The following CYFIP2 variants were observed in gnomAD, a reference collection of about 807,000 sequenced individuals.
The protein encoded by CYFIP2 is cytoplasmic FMR1 interacting protein 2, also known as cytoplasmic FMR1-interacting protein 2.
Under a neutral mutation model 158.7 loss-of-function variants are expected in CYFIP2, and 29 were observed. The observed-to-expected ratio is 0.18, with a 90% CI of 0.14 to 0.25. CYFIP2 has a LOEUF of 0.25. Among genes scored for constraint, CYFIP2 ranks in the 10% least tolerant of loss-of-function variants. CYFIP2 has a pLI of 1.00. For synonymous variants in CYFIP2, 585 were observed against 617.6 expected (o/e 0.95, Z 0.78); for missense variants, 852 against 1,639.5 (o/e 0.52, Z 8.29).
Position 157,329,439 on chromosome 5 carries a change from T to C in CYFIP2, c.2157-1303T>C, listed in dbSNP as rs1400942760. Reference sequence around the variant, plus strand: ...CCCTTCCCTGTAAGATCAGTGATTTTTTAAAGTGTGGGAAGTTGAGGAGGT... The same window carrying C: ...CCCTTCCCTGTAAGATCAGTGATTTCTTAAAGTGTGGGAAGTTGAGGAGGT... On this transcript the variant is annotated intron_variant, in intron 19 of 30. Coordinates refer to ENST00000620254, the MANE Select transcript of CYFIP2 (RefSeq NM_001037333.3). Among the ~76,000 whole-genome samples the C allele has an allele frequency of 2.0e-5, 3 of 152,348 alleles. No individual in the cohort carries two copies. In the East Asian group the frequency reaches 5.8e-4, roughly 29 times the overall value.
chr5:157,341,162 G>A lies in CYFIP2; in HGVS notation c.2673+5G>A, dbSNP rs1762219769. ...TATTACCTCTATGGATCCAAGGTAA[G>A]TAGTCCTGCCCTACCCTGCCTAGAA... On this transcript the variant is annotated splice_donor_5th_base_variant and intron_variant, in intron 23 of 30. Transcript: ENST00000620254. The A allele has an allele frequency of 6.2e-7, 1 of 1,613,340 alleles. No individual in the cohort carries two copies. The highest frequency in any genetic ancestry group is 1.3e-5 in the African/African-American group (1 of 74,902).
chr5:157,329,915 GC>G (rs1761308739), intron 19 of CYFIP2, among the ~76,000 whole-genome samples: 1 of 152,154 alleles, frequency 6.6e-6, no homozygotes, highest in Non-Finnish European at 1.5e-5. Flanking sequence ...GGCCTGTGTG[GC>G]CCTACCTGGT....
chr5:157,382,721 C>A, intron 27 of CYFIP2, 59 bp downstream of exon 27: 1 of 1,530,742 alleles, frequency 6.5e-7, no homozygotes, highest in Non-Finnish European at 9.0e-7. Context: ...ATTCTCACTT[C>A]CTAATTGCAG....
At chr5:157,328,160 C>A in intron 19 of CYFIP2, 111 bp downstream of exon 19, 1 of 1,055,530 alleles carries the variant, frequency 9.5e-7, no homozygotes, top group Non-Finnish European at 1.4e-6. Flanking sequence ...GAAAACAGAG[C>A]CATTCCACGG....
chr5:157,291,336 C>T (rs1477879504), intron 3 of CYFIP2, among the ~76,000 whole-genome samples: 7 of 152,212 alleles, frequency 4.6e-5, no homozygotes, highest in African/African-American at 1.4e-4. Flanking sequence ...ACTCAAGTTT[C>T]CCAAGACCCC....
At chr5:157,327,410 C>T (rs1761109766) in intron 18 of CYFIP2, among the ~76,000 whole-genome samples, 1 of 151,828 alleles carries the variant, frequency 6.6e-6, no homozygotes, top group South Asian at 2.1e-4. Context: ...ACTAAAAATA[C>T]AAAAATTAGC....
At chr5:157,327,800 G>A (rs1761145762) in intron 18 of CYFIP2, 173 bp from the exon 19 acceptor site, 1 of 609,830 alleles carries the variant, frequency 1.6e-6, no homozygotes, top group African/African-American at 1.9e-5. Context: ...AGGACCCTGA[G>A]AGCAAGGGAC....
chr5:157,390,755 T>C, intron 30 of CYFIP2, 87 bp downstream of exon 30: 1 of 1,536,744 alleles, frequency 6.5e-7, no homozygotes, highest in South Asian at 1.2e-5. Context: ...GAGGAGCTGC[T>C]TGTGAAGGCC....
At chr5:157,295,784 G>A (rs1758201970) in intron 4 of CYFIP2, among the ~76,000 whole-genome samples, 1 of 152,230 alleles carries the variant, frequency 6.6e-6, no homozygotes, top group Non-Finnish European at 1.5e-5. Context: ...GACTTTCTAA[G>A]CAATAGTATG....
rs955653146 is a variant in CYFIP2 at position 157,304,292 on chromosome 5, A to G, written c.721A>G (p.Ile241Val). The G allele has an allele frequency of 4.3e-6, 7 of 1,613,772 alleles. No individual in the cohort carries two copies. The highest frequency in any genetic ancestry group is 5.9e-6 in the Non-Finnish European group (7 of 1,179,908). ...AGGCTATGAGGAGCTGCTGGCTGAC[A>G]TTGTCAACATCTGTGTGGATTACTA... ...IPGYEELLAD[I>V]VNICVDYYEN... Residue 241 changes from isoleucine (I) to valine (V), a missense_variant, in exon 8 of 31, where the codon ATT becomes GTT. Physicochemically the swap from Ile to Val is conservative, Grantham distance 29 (BLOSUM62 3). Coordinates refer to ENST00000620254, the MANE Select transcript of CYFIP2 (RefSeq NM_001037333.3).
At chr5:157,354,761 G>A (rs1318353261) in intron 23 of CYFIP2, among the ~76,000 whole-genome samples, 5 of 152,126 alleles carry the variant, frequency 3.3e-5, no homozygotes, top group Admixed American at 3.3e-4. Flanking sequence ...GAGTGGGTGT[G>A]TAGGGGGCAT....
chr5:157,273,495 G>T (rs1249523216), intron 1 of CYFIP2, among the ~76,000 whole-genome samples: 3 of 152,166 alleles, frequency 2.0e-5, no homozygotes, highest in Non-Finnish European at 4.4e-5. Flanking sequence ...ACCAAAACAG[G>T]CAGGGGCAGG....
intron 16 of CYFIP2, among the ~76,000 whole-genome samples, chr5:157,325,121 T>G (rs950052670): frequency 1.3e-5 from 2 of 152,292 alleles, no homozygotes; most frequent in Admixed American, 6.5e-5. Context: ...ATTATAGGCA[T>G]GAGCCTCTGC....
intron 21 of CYFIP2, 52 bp downstream of exon 21, chr5:157,333,498 A>C (rs1761633798): frequency 1.1e-5 from 17 of 1,613,154 alleles, no homozygotes; most frequent in Non-Finnish European, 1.4e-5. Flanking sequence ...CTCAGACTAG[A>C]AGCCTAGATG....
chr5:157,365,525 T>G (rs1391811490), intron 26 of CYFIP2: 1 of 152,058 alleles, frequency 6.6e-6, no homozygotes, highest in Non-Finnish European at 1.5e-5. Flanking sequence ...TGGTTTTTGG[T>G]TTTTATAGGG....
intron 29 of CYFIP2, 127 bp from the exon 30 acceptor site, chr5:157,390,394 G>T (rs1767163844): frequency 2.4e-6 from 2 of 848,216 alleles, no homozygotes; most frequent in South Asian, 3.7e-5. Context: ...CATTTTATAG[G>T]TTAAGAGACT....
At chr5:157,339,887 G>C (rs1029557933) in intron 22 of CYFIP2, among the ~76,000 whole-genome samples, 1 of 152,218 alleles carries the variant, frequency 6.6e-6, no homozygotes, top group African/African-American at 2.4e-5. Flanking sequence ...AAATGGTGCT[G>C]TGAAAGATAA....
intron 29 of CYFIP2, 40 bp downstream of exon 29, chr5:157,389,467 G>A (rs1026887568): frequency 4.7e-6 from 7 of 1,494,010 alleles, no homozygotes; most frequent in Admixed American, 2.0e-5. Flanking sequence ...CCCCCAACCT[G>A]CCTGTGCTCC....
chr5:157,361,682 ATTGAT>A lies in CYFIP2; in HGVS notation c.3039+88_3039+92del, dbSNP rs1763837064. 1 of 1,545,466 alleles carries A rather than the reference ATTGAT, an allele frequency of 6.5e-7. No individual in the cohort carries two copies. The highest frequency in any genetic ancestry group is 8.8e-7 in the Non-Finnish European group (1 of 1,132,372). On this transcript the variant is annotated intron_variant, in intron 26 of 30. Transcript: ENST00000620254. This position sits in a 1 kb window ranked among gnomAD's most constrained non-coding sequence, Gnocchi z 4.4. ...AAGCAGATATTGAGGCTCCTGCAGCATTGATTTGTGCTTTGAGTACAAGCTCACAT... is the reference window on the plus strand; with the variant it reads ...AAGCAGATATTGAGGCTCCTGCAGCATTGTGCTTTGAGTACAAGCTCACAT...
Sources: allele counts gnomAD v4.1 joint callset (sites outside exome capture counted in the v4.1 genomes callset), GRCh38; gene constraint gnomAD v4.1.1; non-coding constraint Gnocchi (gnomAD v3.1); transcripts MANE v1.5; gene names NCBI Gene and HGNC (gene_info 2026-07-23, HGNC 2026-07-21).